Variants in TMEM200A observed in about 807,000 individuals in gnomAD.
TMEM200A encodes transmembrane protein 200A.
In TMEM200A, 12 loss-of-function variants were observed where a neutral mutation model predicts 24.3. That is an observed-to-expected ratio of 0.49 (90% CI 0.32 to 0.80). The LOEUF (loss-of-function observed/expected upper bound fraction) is 0.80. Ranked by LOEUF, TMEM200A falls within the 30% of genes least tolerant of loss-of-function variation. The pLI is 0.04. For missense variants in TMEM200A, 545 were observed against 614.4 expected (o/e 0.89, Z 1.19); for synonymous variants, 224 against 224.4 (o/e 1.00, Z 0.02).
chr6:130,379,709 T>C lies in TMEM200A; in HGVS notation c.-80-5464T>C, dbSNP rs540920588. Among the ~76,000 whole-genome samples the C allele has an allele frequency of 6.6e-5, 10 of 152,306 alleles. No individual in the cohort carries two copies. The South Asian group carries it at 1.9e-3, about 28-fold the overall frequency. On this transcript the variant is annotated intron_variant, in intron 1 of 2. Transcript: ENST00000296978. ...AGTTCAGTATGGGGCACATTAAATT[T>C]GAGATGCCTGTGAGACATCTTAGGG... is the stretch of plus-strand genomic sequence containing the variant.
intron 2 of TMEM200A, among the ~76,000 whole-genome samples, chr6:130,405,811 C>A (rs1326439552): frequency 6.6e-6 from 1 of 152,170 alleles, no homozygotes; most frequent in Non-Finnish European, 1.5e-5. Flanking sequence ...TGCTAGCTTG[C>A]GGTAGATGGG....
At chr6:130,408,101 C>T (rs1779246482) in intron 2 of TMEM200A, among the ~76,000 whole-genome samples, 1 of 152,042 alleles carries the variant, frequency 6.6e-6, no homozygotes, top group African/African-American at 2.4e-5. Context: ...ACAGTATTCC[C>T]AGGATAGTAA....
At chr6:130,406,373 C>A (rs1779211207) in intron 2 of TMEM200A, among the ~76,000 whole-genome samples, 1 of 152,196 alleles carries the variant, frequency 6.6e-6, no homozygotes, top group Middle Eastern at 3.4e-3. Flanking sequence ...TAAACAATAT[C>A]TTGGATTTTA....
intron 2 of TMEM200A, among the ~76,000 whole-genome samples, chr6:130,389,431 G>C (rs1778785827): frequency 1.3e-5 from 2 of 151,294 alleles, no homozygotes; most frequent in African/African-American, 4.9e-5. Flanking sequence ...CCTACGTAAA[G>C]AACAATGTGA....
intron 1 of TMEM200A, among the ~76,000 whole-genome samples, chr6:130,369,155 T>A (rs1164440648): frequency 6.6e-6 from 1 of 152,170 alleles, no homozygotes; most frequent in African/African-American, 2.4e-5. Flanking sequence ...TGAAAATACA[T>A]AATAAAATAA....
At chr6:130,430,724 A>G (rs965655006) in intron 2 of TMEM200A, among the ~76,000 whole-genome samples, 1 of 152,170 alleles carries the variant, frequency 6.6e-6, no homozygotes, top group African/African-American at 2.4e-5. Context: ...TGGTCTTGCC[A>G]TCCCCAAGGA....
intron 2 of TMEM200A, among the ~76,000 whole-genome samples, chr6:130,422,337 C>T (rs780740803): frequency 1.3e-5 from 2 of 152,188 alleles, no homozygotes; most frequent in African/African-American, 4.8e-5. Context: ...GGTGCGATAT[C>T]GACTCACTGC....
At chr6:130,377,897 A>G (rs1778499226) in intron 1 of TMEM200A, among the ~76,000 whole-genome samples, 1 of 152,234 alleles carries the variant, frequency 6.6e-6, no homozygotes, top group South Asian at 2.1e-4. Flanking sequence ...GATGTAGAGT[A>G]GCATGGCCAA....
intron 2 of TMEM200A, among the ~76,000 whole-genome samples, chr6:130,436,781 A>G (rs944660131): frequency 6.6e-6 from 1 of 151,460 alleles, no homozygotes; most frequent in African/African-American, 2.4e-5. Flanking sequence ...TGAGTAACTG[A>G]GACTACAGGC....
chr6:130,437,157 G>A (rs1186876910), intron 2 of TMEM200A: 1 of 152,208 alleles, frequency 6.6e-6, no homozygotes, highest in Non-Finnish European at 1.5e-5. Flanking sequence ...CCCAAGACTT[G>A]GCTGTCCCTC....
rs1489459760 is a variant in TMEM200A, at chr6:130,366,935, AG to A, written c.-81+413del. ...TAGAATCTACACAGGCAAAATGGAG[AG>A]GCAAAGCAATTATTTGCAAAATTCA... On this transcript the variant is annotated intron_variant, in intron 1 of 2. Transcript: ENST00000296978. The surrounding 1 kb of genome is among the most constrained non-coding windows in gnomAD (Gnocchi z 4.4). Among the ~76,000 whole-genome samples the A allele has an allele frequency of 6.6e-6, 1 of 152,208 alleles. No individual in the cohort carries two copies. Among genetic ancestry groups the A allele is most frequent in the African/African-American group, 2.4e-5 (1 of 41,454 alleles).
At chr6:130,365,952 C>A, upstream of TMEM200A, 1 of 974,588 alleles carries the variant, frequency 1.0e-6, no homozygotes, top group African/African-American at 2.0e-5. Context: ...TGGAAGTCCG[C>A]CCCGGCCCCC....
At chr6:130,389,541 T>C (rs576301731) in intron 2 of TMEM200A, among the ~76,000 whole-genome samples, 1 of 152,034 alleles carries the variant, frequency 6.6e-6, no homozygotes, top group African/African-American at 2.4e-5. Context: ...ATAATATAGC[T>C]TGTTAGAATT....
chr6:130,420,652 C>T (rs1243595400), intron 2 of TMEM200A, among the ~76,000 whole-genome samples: 1 of 152,082 alleles, frequency 6.6e-6, no homozygotes, highest in Non-Finnish European at 1.5e-5. Flanking sequence ...CCTGTGAGCT[C>T]CTCTGGAGTA....
At chr6:130,421,364 G>A (rs1156387311) in intron 2 of TMEM200A, 1 of 152,016 alleles carries the variant, frequency 6.6e-6, no homozygotes, top group Admixed American at 6.6e-5. Context: ...CTCAGGTACT[G>A]GTTTTACTTA....
At chr6:130,409,702 G>T (rs1050209328) in intron 2 of TMEM200A, among the ~76,000 whole-genome samples, 1 of 152,126 alleles carries the variant, frequency 6.6e-6, no homozygotes, top group Middle Eastern at 3.4e-3. Context: ...AGGATAATTC[G>T]GTGTCTTAAA....
At chr6:130,394,747 T>C (rs756449431) in intron 2 of TMEM200A, among the ~76,000 whole-genome samples, 34 of 152,194 alleles carry the variant, frequency 2.2e-4, no homozygotes, top group Non-Finnish European at 4.3e-4. Flanking sequence ...ATGCATGAGA[T>C]GTTAGAAGCT....
At chr6:130,419,744 TA>T (rs1779539370) in intron 2 of TMEM200A, among the ~76,000 whole-genome samples, 1 of 152,202 alleles carries the variant, frequency 6.6e-6, no homozygotes, top group Non-Finnish European at 1.5e-5. Context: ...CATCAGGAAT[TA>T]AACCAAAAAC....
chr6:130,437,117 G>A (rs1209788062), intron 2 of TMEM200A: 1 of 152,180 alleles, frequency 6.6e-6, no homozygotes, highest in Non-Finnish European at 1.5e-5. Flanking sequence ...TGTATAAATT[G>A]CAAGCATTTA....
Sources: gnomAD v4.1 joint callset for allele counts (sites outside exome capture counted in the v4.1 genomes callset) on GRCh38, gnomAD v4.1.1 for gene constraint, Gnocchi (gnomAD v3.1) non-coding constraint, MANE v1.5 for transcripts, NCBI Gene and HGNC (gene_info 2026-07-23, HGNC 2026-07-21) for gene names.